PPARA: variants seen among roughly 807,000 people sequenced by gnomAD.
PPARA encodes peroxisome proliferator activated receptor alpha, also known as peroxisome proliferator-activated receptor alpha.
A neutral mutation model predicts 42.2 loss-of-function variants in PPARA; 22 were observed. That is an observed-to-expected ratio of 0.52 (90% confidence interval 0.37 to 0.74). The LOEUF (loss-of-function observed/expected upper bound fraction) is 0.74, where lower values mean the gene tolerates loss of function less well. Among genes scored for constraint, PPARA ranks in the 30% least tolerant of loss-of-function variants. PPARA has a pLI of 0.00. For missense variants in PPARA, 465 were observed against 608.2 expected, an observed-to-expected ratio of 0.76 and a Z score of 2.48; for synonymous variants, 242 against 239.3, an observed-to-expected ratio of 1.01 and a Z score of -0.10.
In PPARA at chr22:46,232,705, C is replaced by T. The variant is rs1002129065; in HGVS notation, c.1159+466C>T. Among the ~76,000 whole-genome samples the T allele has an allele frequency of 6.6e-6, 1 of 150,630 alleles. No homozygotes were observed. Among genetic ancestry groups the T allele is most frequent in the African/African-American group, 2.4e-5 (1 of 40,986 alleles). ...AATATATATATAGAGAAAAAGAGGT[C>T]GGACATGGGCCTGTAATCCCAGCCC... On this transcript the variant is annotated intron_variant, in intron 8 of 8. Coordinates refer to ENST00000407236, the MANE Select transcript of PPARA (RefSeq NM_005036.6). This position sits in a 1 kb window ranked among gnomAD's most constrained non-coding sequence, Gnocchi z 5.3.
chr22:46,167,651 TA>T lies in PPARA; in HGVS notation c.-126-9095del, dbSNP rs1197139748. Among the ~76,000 whole-genome samples the T allele has an allele frequency of 2.6e-5, 4 of 151,358 alleles. No homozygotes were observed. Among genetic ancestry groups the T allele is most frequent in the Non-Finnish European group, 5.9e-5 (4 of 67,838 alleles). On this transcript the variant is annotated intron_variant, in intron 2 of 8. Coordinates refer to ENST00000407236, the MANE Select transcript of PPARA (RefSeq NM_005036.6). This position sits in a 1 kb window ranked among gnomAD's most constrained non-coding sequence, Gnocchi z 4.1. ...ACTGGGTGACAGAGAGACCGTGTGTTAAAAAAAGAGTTAAAACTATAAAACC... is the reference window on the plus strand; with the variant it reads ...ACTGGGTGACAGAGAGACCGTGTGTTAAAAAAGAGTTAAAACTATAAAACC...
In PPARA at chr22:46,219,143, C is replaced by CA. The variant is rs1249933870; in HGVS notation, c.509-668dup. Among the ~76,000 whole-genome samples, 5 of 151,524 alleles carry CA rather than the reference C, an allele frequency of 3.3e-5. No homozygotes were observed. Among genetic ancestry groups the CA allele is most frequent in the Admixed American group, 1.3e-4 (2 of 15,166 alleles). ...CACCACTGCACTCCAGCCTGGGCGACAGAGTGCGACTCCGTCTCAAAAAAA... is the reference window on the plus strand; with the variant it reads ...CACCACTGCACTCCAGCCTGGGCGACAAGAGTGCGACTCCGTCTCAAAAAAA... On this transcript the variant is annotated intron_variant, in intron 6 of 8. Coordinates refer to ENST00000407236, the MANE Select transcript of PPARA (RefSeq NM_005036.6). The surrounding 1 kb of genome is among the most constrained non-coding windows in gnomAD (Gnocchi z 4.8).
chr22:46,161,416 C>A lies in PPARA; in HGVS notation c.-127+9446C>A, dbSNP rs1004775826. On this transcript the variant is annotated intron_variant, in intron 2 of 8. Coordinates refer to ENST00000407236, the MANE Select transcript of PPARA (RefSeq NM_005036.6). The surrounding 1 kb of genome is among the most constrained non-coding windows in gnomAD (Gnocchi z 4.8). ...GACCAGCCTGGCCAACATGGTGAAACCCCGTCTCTACTAAAAATACAAAAT... is the reference window on the plus strand; with the variant it reads ...GACCAGCCTGGCCAACATGGTGAAAACCCGTCTCTACTAAAAATACAAAAT... Among the ~76,000 whole-genome samples, 2 of 151,984 alleles carry A rather than the reference C, an allele frequency of 1.3e-5. No individual in the cohort carries two copies. Among genetic ancestry groups the A allele is most frequent in the Admixed American group, 6.6e-5 (1 of 15,250 alleles).
At position 46,188,064 on chromosome 22, in the gene PPARA, C is replaced by A. The variant is rs1262647075; in HGVS notation, c.-42-10278C>A. ...GAACAGCCTGGCACCAGCTACCAGG[C>A]ATGTGACTGAGGCCATCCAGCCATA... On this transcript the variant is annotated intron_variant, in intron 3 of 8. Coordinates refer to ENST00000407236, the MANE Select transcript of PPARA (RefSeq NM_005036.6). The surrounding 1 kb of genome is among the most constrained non-coding windows in gnomAD (Gnocchi z 5.0). 6.6e-6 allele frequency among the ~76,000 whole-genome samples: 1 copy of A among 152,198 alleles called. No individual in the cohort carries two copies. Among genetic ancestry groups the A allele is most frequent in the African/African-American group, 2.4e-5 (1 of 41,454 alleles).
rs376161921 is a variant in PPARA, at chr22:46,211,472, C to T, written c.209-3701C>T. 3.3e-5 allele frequency among the ~76,000 whole-genome samples: 5 copies of T among 152,300 alleles called. No homozygotes were observed. The highest frequency in any genetic ancestry group is 1.2e-4 in the African/African-American group (5 of 41,568). ...CAAATTATTCGGTGCAGCGCCTTTC[C>T]GCACCTGCACCCACTTTTTCCCCTG... On this transcript the variant is annotated intron_variant, in intron 4 of 8. Transcript: ENST00000407236. This position sits in a 1 kb window ranked among gnomAD's most constrained non-coding sequence, Gnocchi z 4.1.
intron 3 of PPARA, among the ~76,000 whole-genome samples, chr22:46,189,037 TG>T (rs1931197264): frequency 6.6e-6 from 1 of 152,250 alleles, no homozygotes. Context: ...TTACCTGCCT[TG>T]CTATGCGTCC....
At position 46,216,178 on chromosome 22, in the gene PPARA, T is replaced by C. The variant is rs1601777338; in HGVS notation, c.369+845T>C. Among the ~76,000 whole-genome samples, 2 of 151,538 alleles carry C rather than the reference T, an allele frequency of 1.3e-5. No individual in the cohort carries two copies. Among genetic ancestry groups the C allele is most frequent in the East Asian group, 3.9e-4 (2 of 5,136 alleles). ...CGGCTGGATCACCTGAGGTCAGGAG[T>C]TCAAGACCAGCCTGGCCAACATGGT... On this transcript the variant is annotated intron_variant, in intron 5 of 8. Coordinates refer to ENST00000407236, the MANE Select transcript of PPARA (RefSeq NM_005036.6). This position sits in a 1 kb window ranked among gnomAD's most constrained non-coding sequence, Gnocchi z 4.5.
rs992445173 is a variant in PPARA, at chr22:46,171,954, T to C, written c.-126-4799T>C. 6.6e-6 allele frequency among the ~76,000 whole-genome samples: 1 copy of C among 151,926 alleles called. No individual in the cohort carries two copies. Among genetic ancestry groups the C allele is most frequent in the Non-Finnish European group, 1.5e-5 (1 of 67,948 alleles). On this transcript the variant is annotated intron_variant, in intron 2 of 8. Coordinates refer to ENST00000407236, the MANE Select transcript of PPARA (RefSeq NM_005036.6). The surrounding 1 kb of genome is among the most constrained non-coding windows in gnomAD (Gnocchi z 5.0). ...TGGTTCTGAGGTTTGCAGAGGGGCCTGAAGGGGTGGGGCCCGGCCAAGCAA... is the reference window on the plus strand; with the variant it reads ...TGGTTCTGAGGTTTGCAGAGGGGCCCGAAGGGGTGGGGCCCGGCCAAGCAA...
At chr22:46,205,511 T>C (rs1933146824) in intron 4 of PPARA, among the ~76,000 whole-genome samples, 1 of 115,294 alleles carries the variant, frequency 8.7e-6, no homozygotes, top group Admixed American at 1.1e-4. Flanking sequence ...TGAGCCACCA[T>C]GCCCAGCCAT....
In PPARA at chr22:46,207,531, C is replaced by T. The variant is rs188977508; in HGVS notation, c.209-7642C>T. Among the ~76,000 whole-genome samples the T allele has an allele frequency of 5.5e-3, 834 of 150,558 alleles. 1 individual carries two copies. The highest frequency in any genetic ancestry group is 0.014 in the Middle Eastern group (4 of 288). On this transcript the variant is annotated intron_variant, in intron 4 of 8. Coordinates refer to ENST00000407236, the MANE Select transcript of PPARA (RefSeq NM_005036.6). ...ATCTCCTGACCTCATGATCCGCCCA[C>T]CTCGGCCTCCCAAAGTGCTGGGATT...
chr22:46,155,845 T>G (rs1925224161), intron 2 of PPARA: 1 of 152,216 alleles, frequency 6.6e-6, no homozygotes, highest in African/African-American at 2.4e-5. Flanking sequence ...TTTAAAAGAA[T>G]GTGCTTCTTT....
At chr22:46,157,714 G>C (rs1412221396) in intron 2 of PPARA, among the ~76,000 whole-genome samples, 2 of 152,202 alleles carry the variant, frequency 1.3e-5, no homozygotes, top group East Asian at 1.9e-4. Flanking sequence ...AGTGAGGTGG[G>C]CAGCACTGAT....
chr22:46,181,397 G>C (rs1014169367), intron 3 of PPARA, among the ~76,000 whole-genome samples: 5 of 152,120 alleles, frequency 3.3e-5, no homozygotes, highest in Non-Finnish European at 7.4e-5. Flanking sequence ...GCAGGAATAA[G>C]GTACTCTCCT....
intron 4 of PPARA, among the ~76,000 whole-genome samples, chr22:46,199,749 T>C (rs1932766751): frequency 6.6e-6 from 1 of 152,080 alleles, no homozygotes; most frequent in Admixed American, 6.6e-5. Context: ...TGAGACAGAG[T>C]TTTGCTCTTG....
rs1926204363 is a variant in PPARA at position 46,161,732 on chromosome 22, C to G, written c.-127+9762C>G. Among the ~76,000 whole-genome samples, 2 of 152,216 alleles carry G rather than the reference C, an allele frequency of 1.3e-5. No homozygotes were observed. Among genetic ancestry groups the G allele is most frequent in the South Asian group, 4.1e-4 (2 of 4,836 alleles). Reference sequence around the variant, plus strand: ...TTTTTATACACGTGAAGTTAAATCACCAAAGGACCAGGTGAGCAGATGTGG... The same window carrying G: ...TTTTTATACACGTGAAGTTAAATCAGCAAAGGACCAGGTGAGCAGATGTGG... On this transcript the variant is annotated intron_variant, in intron 2 of 8. Coordinates refer to ENST00000407236, the MANE Select transcript of PPARA (RefSeq NM_005036.6). This position sits in a 1 kb window ranked among gnomAD's most constrained non-coding sequence, Gnocchi z 4.8.
At chr22:46,170,834 G>A (rs941685201) in intron 2 of PPARA, among the ~76,000 whole-genome samples, 1 of 151,526 alleles carries the variant, frequency 6.6e-6, no homozygotes, top group Non-Finnish European at 1.5e-5. Context: ...GTGTAGAATG[G>A]GATGCATTCC....
intron 7 of PPARA, among the ~76,000 whole-genome samples, chr22:46,223,397 C>A (rs539610642): frequency 1.3e-5 from 2 of 152,230 alleles, no homozygotes; most frequent in South Asian, 4.1e-4. Flanking sequence ...AATCCCAGCA[C>A]TTTGGGAGGC....
At chr22:46,153,015 G>A (rs1924679761) in intron 2 of PPARA, among the ~76,000 whole-genome samples, 1 of 152,200 alleles carries the variant, frequency 6.6e-6, no homozygotes, top group African/African-American at 2.4e-5. Flanking sequence ...GAGCCTGGGA[G>A]GTGAAGGTTT....
intron 3 of PPARA, among the ~76,000 whole-genome samples, chr22:46,197,649 C>G (rs1035497196): frequency 2.0e-4 from 30 of 152,068 alleles, no homozygotes; most frequent in Admixed American, 4.6e-4. Context: ...CACCTGTGAT[C>G]AAAGCACTTT....
Sources: allele counts gnomAD v4.1 joint callset (sites outside exome capture counted in the v4.1 genomes callset), GRCh38; gene constraint gnomAD v4.1.1; non-coding constraint Gnocchi (gnomAD v3.1); transcripts MANE v1.5; gene names NCBI Gene and HGNC (gene_info 2026-07-23, HGNC 2026-07-21).